Variants in PALS2 observed in about 807,000 individuals in gnomAD.
The protein encoded by PALS2 is protein PALS2.
Under a neutral mutation model 61.6 loss-of-function variants are expected in PALS2, and 27 were observed. The observed-to-expected ratio is 0.44, with a 90% confidence interval of 0.32 to 0.60. The LOEUF (loss-of-function observed/expected upper bound fraction) is 0.60. Among genes scored for constraint, PALS2 ranks in the 20% least tolerant of loss-of-function variants. The pLI, the probability that PALS2 is intolerant of heterozygous loss-of-function variation, is 0.05. For synonymous variants in PALS2, 236 were observed against 218.6 expected (o/e 1.08, Z -0.70); for missense variants, 554 against 639.4 (o/e 0.87, Z 1.44).
chr7:24,633,546 G>A (rs1028327766), intron 2 of PALS2, among the ~76,000 whole-genome samples: 2 of 145,936 alleles, frequency 1.4e-5, no homozygotes, highest in African/African-American at 2.5e-5. Flanking sequence ...CTTAGAATTC[G>A]GGGTTTTTAA....
intron 2 of PALS2, among the ~76,000 whole-genome samples, chr7:24,639,684 T>C (rs556947802): frequency 1.3e-5 from 2 of 152,094 alleles, no homozygotes; most frequent in South Asian, 2.1e-4. Flanking sequence ...TTTTTTTTTT[T>C]TCCAATGGTG....
chr7:24,653,506 C>A (rs1004735975), intron 5 of PALS2, among the ~76,000 whole-genome samples: 1 of 152,050 alleles, frequency 6.6e-6, no homozygotes, highest in Non-Finnish European at 1.5e-5. Context: ...TAGTGCCAAC[C>A]CCAATACCCC....
At chr7:24,633,497 G>C (rs1275332646) in intron 2 of PALS2, among the ~76,000 whole-genome samples, 1 of 130,704 alleles carries the variant, frequency 7.7e-6, no homozygotes, top group Non-Finnish European at 1.6e-5. Flanking sequence ...TCAGTATTTT[G>C]TTTTTTATTT....
Position 24,618,548 on chromosome 7 carries a change from G to A in PALS2, c.-2-5118G>A, listed in dbSNP as rs1784377362. 1.3e-5 allele frequency among the ~76,000 whole-genome samples: 2 copies of A among 152,236 alleles called. No individual in the cohort carries two copies. Among genetic ancestry groups the A allele is most frequent in the Non-Finnish European group, 1.5e-5 (1 of 68,024 alleles). On this transcript the variant is annotated intron_variant, in intron 1 of 11. Transcript: ENST00000222644. This position sits in a 1 kb window ranked among gnomAD's most constrained non-coding sequence, Gnocchi z 5.1. ...GCTCCCAGTCTGGGGGAATACAGCT[G>A]TGTGAATTCACAGCAGCTCCCCAAA...
chr7:24,668,379 G>A, intron 8 of PALS2, 120 bp from the exon 9 acceptor site: 4 of 859,248 alleles, frequency 4.7e-6, no homozygotes, highest in Non-Finnish European at 7.0e-6. Context: ...ATGCTAAGTG[G>A]GTACAAGTCA....
chr7:24,613,077 A>G (rs1784169848), intron 1 of PALS2, among the ~76,000 whole-genome samples: 1 of 151,650 alleles, frequency 6.6e-6, no homozygotes, highest in Non-Finnish European at 1.5e-5. Flanking sequence ...ATTCTATGAT[A>G]TTATATTAAA....
intron 6 of PALS2, among the ~76,000 whole-genome samples, chr7:24,664,668 G>T (rs1786923530): frequency 6.6e-6 from 1 of 152,044 alleles, no homozygotes. Flanking sequence ...TTATGTATAA[G>T]TGCACTATGT....
At chr7:24,610,358 A>C (rs1042074716) in intron 1 of PALS2, among the ~76,000 whole-genome samples, 1 of 152,052 alleles carries the variant, frequency 6.6e-6, no homozygotes, top group Non-Finnish European at 1.5e-5. Flanking sequence ...AGTTTCATAC[A>C]TGTGTTTATA....
intron 2 of PALS2, among the ~76,000 whole-genome samples, chr7:24,639,943 G>C (rs1785437928): frequency 6.6e-6 from 1 of 150,396 alleles, no homozygotes; most frequent in African/African-American, 2.4e-5. Context: ...CAGCCTTCTG[G>C]GTAACTGGGA....
intron 1 of PALS2, among the ~76,000 whole-genome samples, chr7:24,622,683 C>CTTTTTTTT (rs70942815): frequency 1.3e-4 from 18 of 135,668 alleles, no homozygotes; most frequent in African/African-American, 2.2e-4. Flanking sequence ...TTTCTTTTTT[C>CTTTTTTTT]TTTTTTTTTT....
chr7:24,658,985 C>T (rs1786573037), intron 5 of PALS2, among the ~76,000 whole-genome samples: 1 of 152,106 alleles, frequency 6.6e-6, no homozygotes. Flanking sequence ...GGTAGTTTTT[C>T]AGTCCTCACC....
At chr7:24,602,532 A>C (rs573684751) in intron 1 of PALS2, among the ~76,000 whole-genome samples, 3 of 152,284 alleles carry the variant, frequency 2.0e-5, no homozygotes, top group Non-Finnish European at 4.4e-5. Flanking sequence ...TATGAAGAAG[A>C]CTTCACATCT....
chr7:24,657,221 T>C (rs976187250), intron 5 of PALS2, among the ~76,000 whole-genome samples: 3 of 152,232 alleles, frequency 2.0e-5, no homozygotes, highest in Non-Finnish European at 4.4e-5. Context: ...GTCTCTTGAG[T>C]ATATACCAGG....
intron 1 of PALS2, among the ~76,000 whole-genome samples, chr7:24,580,692 C>T (rs1321086575): frequency 6.6e-6 from 1 of 152,148 alleles, no homozygotes; most frequent in African/African-American, 2.4e-5. Context: ...GTACACTCAT[C>T]ACATGAGTAG....
chr7:24,639,355 A>G (rs1785397036), intron 2 of PALS2, among the ~76,000 whole-genome samples: 1 of 151,920 alleles, frequency 6.6e-6, no homozygotes, highest in Admixed American at 6.6e-5. Flanking sequence ...CTTTTTTTGC[A>G]TCAGTTTCTT....
intron 1 of PALS2, among the ~76,000 whole-genome samples, chr7:24,611,256 G>A (rs1036150941): frequency 6.6e-6 from 1 of 151,998 alleles, no homozygotes; most frequent in African/African-American, 2.4e-5. Context: ...TAGGCAGGAA[G>A]TATTACCGTA....
At chr7:24,637,805 T>C (rs972216869) in intron 2 of PALS2, among the ~76,000 whole-genome samples, 32 of 152,176 alleles carry the variant, frequency 2.1e-4, no homozygotes, top group African/African-American at 7.7e-4. Context: ...CAGTGGTGAA[T>C]AAAATTCTCA....
intron 5 of PALS2, among the ~76,000 whole-genome samples, chr7:24,659,216 A>G (rs935960539): frequency 6.6e-6 from 1 of 152,170 alleles, no homozygotes; most frequent in Non-Finnish European, 1.5e-5. Flanking sequence ...TCCATGATGT[A>G]TATGTACCAA....
At chr7:24,635,176 C>T (rs1319498885) in intron 2 of PALS2, among the ~76,000 whole-genome samples, 5 of 152,194 alleles carry the variant, frequency 3.3e-5, no homozygotes, top group Non-Finnish European at 7.3e-5. Flanking sequence ...GCCATCTTAA[C>T]AGTGATGTCT....
Sources: gnomAD v4.1 joint callset for allele counts (sites outside exome capture counted in the v4.1 genomes callset) on GRCh38, gnomAD v4.1.1 for gene constraint, Gnocchi (gnomAD v3.1) non-coding constraint, MANE v1.5 for transcripts, NCBI Gene and HGNC (gene_info 2026-07-23, HGNC 2026-07-21) for gene names.